The following SLC41A2 variants were observed in gnomAD, a reference collection of about 807,000 sequenced individuals.
SLC41A2 encodes SLC41A1-like 1.
Under a neutral mutation model 58.3 loss-of-function variants are expected in SLC41A2, and 32 were observed. The observed-to-expected ratio is 0.55, with a 90% CI of 0.41 to 0.74. SLC41A2 has a LOEUF of 0.74. Ranked by LOEUF, SLC41A2 falls within the 30% of genes least tolerant of loss-of-function variation. SLC41A2 has a pLI of 0.00. For missense variants in SLC41A2, 514 were observed against 680.6 expected, an observed-to-expected ratio of 0.76 and a Z score of 2.72; for synonymous variants, 190 against 235.0, an observed-to-expected ratio of 0.81 and a Z score of 1.75.
chr12:104,894,352 C>CAA (rs755400420), intron 4 of SLC41A2, among the ~76,000 whole-genome samples: 5 of 110,332 alleles, frequency 4.5e-5, no homozygotes, highest in African/African-American at 1.7e-4. Context: ...GACCCTGCCT[C>CAA]AAAAAAAAAA....
chr12:104,909,885 A>T, intron 2 of SLC41A2, 123 bp from the exon 3 acceptor site: 2 of 607,068 alleles, frequency 3.3e-6, no homozygotes, highest in South Asian at 4.2e-5. Context: ...ATAACCACAC[A>T]GTTCATGTAA....
intron 6 of SLC41A2, among the ~76,000 whole-genome samples, chr12:104,869,246 A>C (rs78510426): frequency 0.011 from 1,694 of 152,238 alleles, 40 homozygotes; most frequent in African/African-American, 0.039. Context: ...TATGCCAAAA[A>C]CCACTGAATT....
At chr12:104,886,802 T>G (rs1406248383) in intron 5 of SLC41A2, among the ~76,000 whole-genome samples, 1 of 150,948 alleles carries the variant, frequency 6.6e-6, no homozygotes, top group Non-Finnish European at 1.5e-5. Context: ...TATGAAAACA[T>G]CAAAAAAAAA....
At chr12:104,907,376 A>G (rs905521879) in intron 3 of SLC41A2, among the ~76,000 whole-genome samples, 5 of 152,216 alleles carry the variant, frequency 3.3e-5, no homozygotes, top group African/African-American at 1.2e-4. Flanking sequence ...AAGTGAATTT[A>G]CTAAAGTAAT....
At chr12:104,835,412 C>T (rs985130721) in intron 10 of SLC41A2, among the ~76,000 whole-genome samples, 6 of 152,156 alleles carry the variant, frequency 3.9e-5, no homozygotes, top group Non-Finnish European at 5.9e-5. Flanking sequence ...TAATTTCTAA[C>T]CTTATTTTTC....
At chr12:104,840,649 T>G (rs575551207) in intron 10 of SLC41A2, among the ~76,000 whole-genome samples, 4 of 152,206 alleles carry the variant, frequency 2.6e-5, no homozygotes, top group Admixed American at 1.3e-4. Flanking sequence ...AGAACATGAA[T>G]AGAGTATAAT....
At chr12:104,890,692 C>A (rs1593082536) in intron 4 of SLC41A2, among the ~76,000 whole-genome samples, 1 of 152,260 alleles carries the variant, frequency 6.6e-6, no homozygotes, top group East Asian at 1.9e-4. Flanking sequence ...TTAACAGGGG[C>A]CATAGGCCTG....
intron 2 of SLC41A2, among the ~76,000 whole-genome samples, chr12:104,926,108 T>A (rs1484501357): frequency 6.6e-6 from 1 of 152,212 alleles, no homozygotes; most frequent in Non-Finnish European, 1.5e-5. Context: ...GAGTCACAAA[T>A]AACCTGAGGT....
intron 5 of SLC41A2, 89 bp from the exon 6 acceptor site, chr12:104,886,528 G>A: frequency 7.4e-7 from 1 of 1,352,142 alleles, no homozygotes; most frequent in Admixed American, 1.9e-5. Flanking sequence ...TAGAAAAACA[G>A]CATATCAATT....
intron 2 of SLC41A2, among the ~76,000 whole-genome samples, chr12:104,917,766 A>G (rs1482604076): frequency 7.7e-5 from 11 of 142,800 alleles, no homozygotes; most frequent in Non-Finnish European, 1.7e-4. Flanking sequence ...GTGGGAATTG[A>G]ACAATGAGAA....
intron 2 of SLC41A2, among the ~76,000 whole-genome samples, chr12:104,923,277 G>A (rs1289901081): frequency 2.0e-5 from 3 of 148,194 alleles, no homozygotes; most frequent in Non-Finnish European, 4.5e-5. Flanking sequence ...CAGGAGAATG[G>A]TGTGAATCCA....
chr12:104,889,303 C>A, intron 4 of SLC41A2, 126 bp from the exon 5 acceptor site: 1 of 953,302 alleles, frequency 1.0e-6, no homozygotes, highest in South Asian at 1.6e-5. Flanking sequence ...AGCTACATTA[C>A]CTTTTAGAGT....
At chr12:104,876,238 C>A (rs1238942317) in intron 6 of SLC41A2, among the ~76,000 whole-genome samples, 1 of 151,566 alleles carries the variant, frequency 6.6e-6, no homozygotes, top group Non-Finnish European at 1.5e-5. Flanking sequence ...ATGTATTTTT[C>A]TATTCTCTAT....
intron 1 of SLC41A2, among the ~76,000 whole-genome samples, chr12:104,949,013 C>T (rs540028484): frequency 2.0e-5 from 3 of 152,146 alleles, no homozygotes; most frequent in Non-Finnish European, 4.4e-5. Flanking sequence ...GTCAGGAGTT[C>T]GAGACCAGCC....
At chr12:104,951,875 C>G (rs1249770571) in intron 1 of SLC41A2, among the ~76,000 whole-genome samples, 6 of 151,128 alleles carry the variant, frequency 4.0e-5, no homozygotes, top group Non-Finnish European at 8.9e-5. Context: ...ATTTTTCTAA[C>G]ACTGCCTTTG....
At chr12:104,942,473 G>C (rs1262649938) in intron 1 of SLC41A2, among the ~76,000 whole-genome samples, 6 of 103,578 alleles carry the variant, frequency 5.8e-5, no homozygotes, top group African/African-American at 2.0e-4. Context: ...GTGAGATCTT[G>C]TCCAAAAAAA....
At chr12:104,847,277 CA>C (rs1032531533) in intron 8 of SLC41A2, among the ~76,000 whole-genome samples, 13 of 151,732 alleles carry the variant, frequency 8.6e-5, no homozygotes, top group Non-Finnish European at 1.3e-4. Context: ...GGAATATTAC[CA>C]AGGATAAAGA....
intron 10 of SLC41A2, among the ~76,000 whole-genome samples, chr12:104,814,247 T>C (rs2041297685): frequency 6.6e-6 from 1 of 151,842 alleles, no homozygotes; most frequent in South Asian, 2.1e-4. Flanking sequence ...CTACAAAAAT[T>C]ATAAAAATTA....
intron 10 of SLC41A2, among the ~76,000 whole-genome samples, chr12:104,813,175 T>C (rs1428438139): frequency 6.6e-6 from 1 of 151,086 alleles, no homozygotes; most frequent in Non-Finnish European, 1.5e-5. Flanking sequence ...CAAGACTCTG[T>C]CTCAAAAAAG....
Sources: allele counts gnomAD v4.1 joint callset (sites outside exome capture counted in the v4.1 genomes callset), GRCh38; gene constraint gnomAD v4.1.1; transcripts MANE v1.5; gene names NCBI Gene and HGNC (gene_info 2026-07-23, HGNC 2026-07-21).